ERBB4: variants seen among roughly 807,000 people sequenced by gnomAD.
ERBB4 encodes receptor tyrosine-protein kinase erbB-4.
In ERBB4, 42 loss-of-function variants were observed where a neutral mutation model predicts 158.0. The observed-to-expected ratio is 0.27, with a 90% CI of 0.21 to 0.34. The LOEUF (loss-of-function observed/expected upper bound fraction) is 0.34, where lower values mean the gene tolerates loss of function less well. ERBB4 is among the 10% of genes least tolerant of loss of function. The probability of loss-of-function intolerance (pLI) is 1.00; values close to 1 mark genes in which losing one functional copy is unlikely to be tolerated. For synonymous variants in ERBB4, 583 were observed against 558.7 expected (o/e 1.04, Z -0.61); for missense variants, 1,333 against 1,624.1 (o/e 0.82, Z 3.08).
intron 5 of ERBB4, 56 bp downstream of exon 5, chr2:211,750,583 T>C (rs376921647): frequency 7.2e-6 from 10 of 1,388,902 alleles, no homozygotes; most frequent in Non-Finnish European, 1.0e-5. Context: ...AATGGACCAA[T>C]CATTAAAATT....
intron 3 of ERBB4, among the ~76,000 whole-genome samples, chr2:211,824,109 C>T (rs77522839): frequency 6.6e-6 from 1 of 152,064 alleles, no homozygotes; most frequent in African/African-American, 2.4e-5. Flanking sequence ...TCCCATTGCC[C>T]TCTAGCTGCC....
chr2:212,498,375 G>T (rs1389780161), intron 1 of ERBB4, among the ~76,000 whole-genome samples: 1 of 152,040 alleles, frequency 6.6e-6, no homozygotes, highest in African/African-American at 2.4e-5. Flanking sequence ...TTATATTTAA[G>T]CTATTTAAAT....
chr2:212,114,011 C>T (rs1262048161), intron 2 of ERBB4, among the ~76,000 whole-genome samples: 1 of 152,054 alleles, frequency 6.6e-6, no homozygotes, highest in Non-Finnish European at 1.5e-5. Context: ...AATTTGCTTA[C>T]TTATTTATTT....
intron 13 of ERBB4, among the ~76,000 whole-genome samples, chr2:211,674,112 A>G (rs61257038): frequency 0.096 from 14,606 of 152,096 alleles, 745 homozygotes; most frequent in Admixed American, 0.15. Flanking sequence ...ATAATATGTT[A>G]AACCACCCCA....
chr2:211,632,951 T>C (rs2070201247), intron 16 of ERBB4, among the ~76,000 whole-genome samples: 1 of 152,150 alleles, frequency 6.6e-6, no homozygotes, highest in African/African-American at 2.4e-5. Flanking sequence ...CATATATAAG[T>C]GTTTTATTGA....
At chr2:211,442,736 T>C (rs1488644618) in intron 20 of ERBB4, among the ~76,000 whole-genome samples, 1 of 151,376 alleles carries the variant, frequency 6.6e-6, no homozygotes, top group Non-Finnish European at 1.5e-5. Flanking sequence ...CATATGTGTA[T>C]ATATATATGA....
intron 20 of ERBB4, among the ~76,000 whole-genome samples, chr2:211,466,652 G>A (rs1029854966): frequency 6.6e-6 from 1 of 152,036 alleles, no homozygotes; most frequent in African/African-American, 2.4e-5. Flanking sequence ...TAATTTCTCA[G>A]TAACTGCAAT....
At chr2:212,464,997 A>G (rs1354638288) in intron 1 of ERBB4, among the ~76,000 whole-genome samples, 1 of 152,052 alleles carries the variant, frequency 6.6e-6, no homozygotes, top group Non-Finnish European at 1.5e-5. Context: ...CAACGATAGT[A>G]AAACTCTGCT....
intron 19 of ERBB4, among the ~76,000 whole-genome samples, chr2:211,600,807 A>C (rs2068776575): frequency 6.6e-6 from 1 of 152,088 alleles, no homozygotes; most frequent in Non-Finnish European, 1.5e-5. Context: ...GAGCCAAACT[A>C]CTTGGAATCA....
chr2:212,131,747 T>C (rs2125585953), intron 1 of ERBB4, among the ~76,000 whole-genome samples: 1 of 152,274 alleles, frequency 6.6e-6, no homozygotes, highest in East Asian at 1.9e-4. Context: ...TGCCCAGTGA[T>C]GAAATTCAAT....
chr2:211,873,294 C>T (rs1343657149), intron 3 of ERBB4, among the ~76,000 whole-genome samples: 4 of 152,276 alleles, frequency 2.6e-5, no homozygotes, highest in Admixed American at 6.5e-5. Context: ...ACATGTTAAG[C>T]GTGTAGTCAT....
At chr2:211,533,546 A>G (rs942776392) in intron 20 of ERBB4, among the ~76,000 whole-genome samples, 1 of 152,196 alleles carries the variant, frequency 6.6e-6, no homozygotes, top group African/African-American at 2.4e-5. Context: ...TTGTTAGGCA[A>G]AAAACCAGGA....
chr2:211,545,027 C>A (rs2066906232), intron 20 of ERBB4, among the ~76,000 whole-genome samples: 1 of 152,026 alleles, frequency 6.6e-6, no homozygotes, highest in African/African-American at 2.4e-5. Flanking sequence ...ACACAAAGGA[C>A]CTTTGGCTGT....
intron 3 of ERBB4, among the ~76,000 whole-genome samples, chr2:211,838,680 T>C: frequency 6.6e-6 from 1 of 152,140 alleles, no homozygotes; most frequent in East Asian, 1.9e-4. Context: ...TAAACAAAAT[T>C]CAATAATATT....
At chr2:211,786,152 A>AC (rs2076158584) in intron 4 of ERBB4, among the ~76,000 whole-genome samples, 2 of 151,868 alleles carry the variant, frequency 1.3e-5, no homozygotes, top group African/African-American at 4.8e-5. Context: ...GATAATAATG[A>AC]CCCCCCAAAT....
At chr2:211,614,823 A>G (rs959810320) in intron 19 of ERBB4, among the ~76,000 whole-genome samples, 1 of 152,102 alleles carries the variant, frequency 6.6e-6, no homozygotes, top group Non-Finnish European at 1.5e-5. Flanking sequence ...TATGGAGAAG[A>G]GAAACATACA....
intron 1 of ERBB4, among the ~76,000 whole-genome samples, chr2:212,386,831 T>C (rs1472896154): frequency 1.3e-5 from 2 of 152,108 alleles, no homozygotes; most frequent in East Asian, 1.9e-4. Context: ...TATTTTAATA[T>C]AGAGGTCATT....
At chr2:211,927,411 A>G (rs1435247044) in intron 3 of ERBB4, among the ~76,000 whole-genome samples, 1 of 152,218 alleles carries the variant, frequency 6.6e-6, no homozygotes, top group East Asian at 1.9e-4. Flanking sequence ...CATTAATTAA[A>G]AGAATTCAAC....
At chr2:212,502,549 G>C (rs10178687) in intron 1 of ERBB4, among the ~76,000 whole-genome samples, 1 of 151,920 alleles carries the variant, frequency 6.6e-6, no homozygotes, top group Non-Finnish European at 1.5e-5. Flanking sequence ...AAATCTCTCT[G>C]ATGCAACAGA....
Sources: gnomAD v4.1 joint callset for allele counts (sites outside exome capture counted in the v4.1 genomes callset) on GRCh38, gnomAD v4.1.1 for gene constraint, MANE v1.5 for transcripts, NCBI Gene and HGNC (gene_info 2026-07-23, HGNC 2026-07-21) for gene names.